The following DHX15 variants were observed in gnomAD, a reference collection of about 807,000 sequenced individuals.
DHX15 encodes DEAH-box helicase 15.
Under a neutral mutation model 94.4 loss-of-function variants are expected in DHX15, and 11 were observed. The ratio of observed to expected loss-of-function variants is 0.12; its 90% confidence interval spans 0.07 to 0.19. The LOEUF (loss-of-function observed/expected upper bound fraction) is 0.19, where lower values mean the gene tolerates loss of function less well. Among genes scored for constraint, DHX15 ranks in the 10% least tolerant of loss-of-function variants. The pLI, the probability that DHX15 is intolerant of heterozygous loss-of-function variation, is 1.00. For synonymous variants in DHX15, 338 were observed against 329.9 expected (o/e 1.02, Z -0.27); for missense variants, 304 against 988.5 (o/e 0.31, Z 9.29).
chr4:24,539,749 G>A (rs1191862008), intron 10 of DHX15: 1 of 158,658 alleles, frequency 6.3e-6, no homozygotes, highest in Non-Finnish European at 1.4e-5. Flanking sequence ...CTAAGTACTA[G>A]AGCAAAGTTC....
chr4:24,541,781 G>C, intron 8 of DHX15, 92 bp downstream of exon 8: 2 of 1,300,080 alleles, frequency 1.5e-6, no homozygotes, highest in Non-Finnish European at 2.1e-6. Flanking sequence ...ATCCTAAAAG[G>C]CAAGATTAAG....
intron 6 of DHX15, among the ~76,000 whole-genome samples, chr4:24,545,399 A>G (rs1363001347): frequency 6.6e-6 from 1 of 152,212 alleles, no homozygotes; most frequent in Non-Finnish European, 1.5e-5. Flanking sequence ...AGTGTATTAA[A>G]TTCTGTAATA....
chr4:24,550,682 C>T (rs1464450293), intron 5 of DHX15, among the ~76,000 whole-genome samples: 1 of 152,168 alleles, frequency 6.6e-6, no homozygotes. Context: ...GATAACAATG[C>T]CTTCTCCTAG....
chr4:24,543,046 A>G lies in DHX15; in HGVS notation c.1249-20T>C, dbSNP rs774718539. On this transcript the variant is annotated intron_variant, in intron 6 of 13. Transcript: ENST00000336812. ...AACTACCTGTTAAGAAATAGAGTAT[A>G]TAAATTATATTACATATCAAATAAA... 3.9e-6 allele frequency: 6 copies of G among 1,530,830 alleles called. No homozygotes were observed. The East Asian group carries it at 9.1e-5, about 23-fold the overall frequency. 94.8% of individuals were successfully genotyped at this position (1,530,830 alleles called of 1,614,324 possible).
At position 24,529,487 on chromosome 4, in the gene DHX15, C is replaced by T. The variant is rs1353709457; in HGVS notation, c.2270+114G>A. The T allele has an allele frequency of 2.0e-5, 17 of 865,224 alleles. No homozygotes were observed. The Middle Eastern group carries it at 1.0e-3, about 53-fold the overall frequency. 53.6% of individuals were successfully genotyped at this position (865,224 alleles called of 1,614,324 possible). ...TCCAGTCAATTCCCTCATACCTACA[C>T]ACTGAAATATAAATTCTCAATGAGT... On this transcript the variant is annotated intron_variant, in intron 13 of 13. Transcript: ENST00000336812.
intron 11 of DHX15, chr4:24,534,180 C>T (rs1333461014): frequency 2.0e-5 from 3 of 152,116 alleles, no homozygotes; most frequent in Admixed American, 6.5e-5. Flanking sequence ...CCATCTGAAG[C>T]CATTGACATT....
chr4:24,584,205 CAG>C, intron 1 of DHX15, 116 bp downstream of exon 1: 2 of 1,107,214 alleles, frequency 1.8e-6, no homozygotes, highest in South Asian at 2.7e-5. Context: ...GAACCCAGCC[CAG>C]AGAGAAACAA....
chr4:24,570,467 T>G (rs1232749408), intron 3 of DHX15, among the ~76,000 whole-genome samples, 187 bp downstream of exon 3: 1 of 152,162 alleles, frequency 6.6e-6, no homozygotes, highest in Non-Finnish European at 1.5e-5. Context: ...AACTTCAATT[T>G]CTACCAAGTA....
chr4:24,571,259 A>C (rs1167484317), intron 2 of DHX15, among the ~76,000 whole-genome samples: 1 of 152,108 alleles, frequency 6.6e-6, no homozygotes, highest in Non-Finnish European at 1.5e-5. Context: ...CTGAAGCTGT[A>C]CTTTTATTTA....
intron 1 of DHX15, among the ~76,000 whole-genome samples, chr4:24,578,619 T>C (rs994337572): frequency 1.3e-5 from 2 of 152,186 alleles, no homozygotes; most frequent in African/African-American, 4.8e-5. Flanking sequence ...TGGAGTGCAG[T>C]GGCTCACTGG....
At chr4:24,573,367 C>G (rs1452171083) in intron 2 of DHX15, among the ~76,000 whole-genome samples, 3 of 152,208 alleles carry the variant, frequency 2.0e-5, no homozygotes, top group African/African-American at 7.2e-5. Flanking sequence ...ACCTATAATA[C>G]ATCAATGCCA....
chr4:24,560,416 T>C (rs1560770922), intron 3 of DHX15, among the ~76,000 whole-genome samples: 3 of 147,498 alleles, frequency 2.0e-5, no homozygotes, highest in African/African-American at 4.9e-5. Flanking sequence ...GATTAAATTA[T>C]TTAAACCAAC....
intron 1 of DHX15, among the ~76,000 whole-genome samples, chr4:24,580,553 G>A: frequency 6.7e-6 from 1 of 150,106 alleles, no homozygotes; most frequent in African/African-American, 2.5e-5. Flanking sequence ...CTGTTACCCA[G>A]GCTGGAGTGT....
chr4:24,566,643 C>T (rs1026095760), intron 3 of DHX15, among the ~76,000 whole-genome samples: 67 of 152,050 alleles, frequency 4.4e-4, no homozygotes, highest in African/African-American at 1.1e-3. Flanking sequence ...CTGGCCAACA[C>T]GGTGAAACTC....
Position 24,532,866 on chromosome 4 carries a change from G to A in DHX15, c.2098C>T (p.Gln700Ter). The change falls in exon 12 of 14, where the codon CAG becomes TAG. Residue 700 changes from glutamine to a stop codon, truncating the protein, a stop_gained and splice_region_variant. Coordinates refer to ENST00000336812, the MANE Select transcript of DHX15 (RefSeq NM_001358.3). LOFTEE classifies it high-confidence loss of function. ...TCATTCCCATATTATCTACATACCT[G>A]CATAAAATACCCAGTAACCAAAGCT... ...RKALVTGYFMQVAHLERTGHY... is the reference protein window; with the variant it reads ...RKALVTGYFM The A allele has an allele frequency of 6.3e-7, 1 of 1,597,034 alleles. No homozygotes were observed. The highest frequency in any genetic ancestry group is 1.7e-5 in the Admixed American group (1 of 58,258).
At chr4:24,568,525 T>G (rs996570546) in intron 3 of DHX15, among the ~76,000 whole-genome samples, 1 of 152,182 alleles carries the variant, frequency 6.6e-6, no homozygotes, top group African/African-American at 2.4e-5. Context: ...AACTATAAAA[T>G]CTGTTACTTG....
chr4:24,542,078 T>C, intron 7 of DHX15, 56 bp from the exon 8 acceptor site: 3 of 1,477,408 alleles, frequency 2.0e-6, no homozygotes, highest in Non-Finnish European at 2.8e-6. Context: ...AAAATTGTGA[T>C]GCAACAGAAG....
chr4:24,579,544 CA>C (rs1722358078), intron 1 of DHX15, among the ~76,000 whole-genome samples: 2 of 152,310 alleles, frequency 1.3e-5, no homozygotes, highest in South Asian at 2.1e-4. Flanking sequence ...GGAGGTATGA[CA>C]TGACACAGTT....
At chr4:24,544,097 A>C (rs919100647) in intron 6 of DHX15, among the ~76,000 whole-genome samples, 6 of 152,206 alleles carry the variant, frequency 3.9e-5, no homozygotes, top group Non-Finnish European at 8.8e-5. Context: ...TGAGAGAAGG[A>C]AACAGCACTA....
Sources: gnomAD v4.1 joint callset for allele counts (sites outside exome capture counted in the v4.1 genomes callset) on GRCh38, gnomAD v4.1.1 for gene constraint, MANE v1.5 for transcripts, NCBI Gene and HGNC (gene_info 2026-07-23, HGNC 2026-07-21) for gene names.